FAM227A: variants seen among roughly 807,000 people sequenced by gnomAD.
FAM227A encodes protein FAM227A.
In FAM227A, 80 loss-of-function variants were observed where a neutral mutation model predicts 74.7. The observed-to-expected ratio is 1.07, with a 90% CI of 0.89 to 1.29. The LOEUF (loss-of-function observed/expected upper bound fraction) is 1.29, where lower values mean the gene tolerates loss of function less well. Ranked by LOEUF, FAM227A falls within the 50% of genes most tolerant of loss-of-function variation. FAM227A has a pLI of 0.00. For synonymous variants in FAM227A, 237 were observed against 241.8 expected, an observed-to-expected ratio of 0.98 and a Z score of 0.19; for missense variants, 654 against 683.4, an observed-to-expected ratio of 0.96 and a Z score of 0.48.
intron 14 of FAM227A, among the ~76,000 whole-genome samples, chr22:38,599,357 T>A (rs1227060193): frequency 6.6e-6 from 1 of 152,114 alleles, no homozygotes; most frequent in Non-Finnish European, 1.5e-5. Context: ...AAGGGAGGAA[T>A]GTGTCTGAGG....
At chr22:38,622,508 C>T (rs749460156) in intron 10 of FAM227A, among the ~76,000 whole-genome samples, 4 of 152,152 alleles carry the variant, frequency 2.6e-5, no homozygotes, top group Non-Finnish European at 4.4e-5. Context: ...GGACAAGTTG[C>T]TTCTCTGAGC....
intron 15 of FAM227A, among the ~76,000 whole-genome samples, chr22:38,592,511 G>C (rs953157205): frequency 6.6e-6 from 1 of 152,186 alleles, no homozygotes. Context: ...GCAACTTCCA[G>C]AAGAAATGCA....
chr22:38,624,108 C>G (rs945218690), intron 9 of FAM227A, among the ~76,000 whole-genome samples: 2 of 152,134 alleles, frequency 1.3e-5, no homozygotes, highest in Admixed American at 1.3e-4. Flanking sequence ...TTTGGAGTGG[C>G]ACAGCCCTGG....
At position 38,599,800 on chromosome 22, in the gene FAM227A, A is replaced by C. The variant is rs1164011878; in HGVS notation, c.1343T>G (p.Val448Gly). 1.3e-6 allele frequency: 2 copies of C among 1,551,200 alleles called. No homozygotes were observed. The highest frequency in any genetic ancestry group is 1.7e-6 in the Non-Finnish European group (2 of 1,146,848). Residue 448 changes from valine to glycine, a missense_variant, in exon 14 of 17, where the codon GTG becomes GGG. Val to Gly is a moderately radical substitution (Grantham distance 109). Transcript: ENST00000535113. ...GGTCTTTTCCCTTCTGACTATCAACACATTCTTGCCGTGCTGCTGCAGACT... is the reference window on the plus strand; with the variant it reads ...GGTCTTTTCCCTTCTGACTATCAACCCATTCTTGCCGTGCTGCTGCAGACT... The part of the protein sequence containing the change: ...YASLQQHGKN[V>G]LIVRREKTTS...
chr22:38,646,094 T>C (rs1330937247), intron 2 of FAM227A, among the ~76,000 whole-genome samples: 1 of 151,928 alleles, frequency 6.6e-6, no homozygotes, highest in Non-Finnish European at 1.5e-5. Flanking sequence ...CCATATTTCT[T>C]TATCTTGTTT....
intron 3 of FAM227A, among the ~76,000 whole-genome samples, chr22:38,641,966 TGTGTGTGTGCGCAC>T (rs2092125268): frequency 6.9e-6 from 1 of 145,268 alleles, no homozygotes; most frequent in Non-Finnish European, 1.5e-5. Context: ...TGTGTGTGTG[TGTGTGTGTGCGCAC>T]GTGTGTGTGC....
chr22:38,652,728 T>A (rs1391961638), intron 1 of FAM227A, among the ~76,000 whole-genome samples: 1 of 150,138 alleles, frequency 6.7e-6, no homozygotes, highest in Non-Finnish European at 1.5e-5. Flanking sequence ...CTACTAAAAA[T>A]TAGCCTGGCG....
chr22:38,640,478 G>A (rs1322781142), intron 3 of FAM227A, among the ~76,000 whole-genome samples: 1 of 152,032 alleles, frequency 6.6e-6, no homozygotes, highest in Non-Finnish European at 1.5e-5. Context: ...CTTGATCTCT[G>A]ACTCTTCCCC....
At chr22:38,641,551 CA>C (rs34059145) in intron 3 of FAM227A, among the ~76,000 whole-genome samples, 61,708 of 108,828 alleles carry the variant, frequency 0.57, 15,353 homozygotes, top group African/African-American at 0.75. Context: ...AACTCCATCT[CA>C]AAAAAAAAAA....
chr22:38,591,584 T>G (rs1037399760), intron 15 of FAM227A, 44 bp from the exon 16 acceptor site: 2 of 1,378,800 alleles, frequency 1.5e-6, no homozygotes, highest in African/African-American at 2.9e-5. Context: ...GCTGGAGTGA[T>G]TAACATGTCC....
intron 14 of FAM227A, 70 bp from the exon 15 acceptor site, chr22:38,597,426 G>T: frequency 1.0e-5 from 15 of 1,450,860 alleles, no homozygotes; most frequent in Non-Finnish European, 1.3e-5. Flanking sequence ...AGTGGCATGA[G>T]CGCAGTGCAT....
At chr22:38,620,148 G>A in intron 11 of FAM227A, 64 bp downstream of exon 11, 1 of 1,151,064 alleles carries the variant, frequency 8.7e-7, no homozygotes, top group Non-Finnish European at 1.3e-6. Context: ...TGCTCCAGAA[G>A]AACCGAGGGT....
chr22:38,641,109 T>C (rs2092105188), intron 3 of FAM227A, among the ~76,000 whole-genome samples: 1 of 137,224 alleles, frequency 7.3e-6, no homozygotes, highest in Non-Finnish European at 1.6e-5. Flanking sequence ...ATGGATAAGA[T>C]TTGCACAGAA....
chr22:38,593,404 C>T (rs910689135), intron 15 of FAM227A, among the ~76,000 whole-genome samples: 7 of 152,158 alleles, frequency 4.6e-5, no homozygotes, highest in Admixed American at 3.9e-4. Context: ...ACTTGGGAGG[C>T]TGAGGCAGGA....
chr22:38,586,848 AT>A (rs896111387), intron 16 of FAM227A, among the ~76,000 whole-genome samples: 104 of 143,292 alleles, frequency 7.3e-4, no homozygotes, highest in Admixed American at 9.8e-4. Flanking sequence ...TGTTTTTTGT[AT>A]TTTTTTTTTT....
At chr22:38,634,120 G>C (rs950848769) in intron 6 of FAM227A, among the ~76,000 whole-genome samples, 2 of 151,138 alleles carry the variant, frequency 1.3e-5, no homozygotes, top group Non-Finnish European at 2.9e-5. Context: ...ACTCAGGGAG[G>C]CTGAGACAGG....
At chr22:38,646,253 T>C (rs991269166) in intron 2 of FAM227A, among the ~76,000 whole-genome samples, 1 of 46,342 alleles carries the variant, frequency 2.2e-5, no homozygotes, top group Non-Finnish European at 4.0e-5. Flanking sequence ...TATTTCTTTT[T>C]TTTTTTTTTT....
At chr22:38,620,726 G>A (rs568531894) in intron 10 of FAM227A, among the ~76,000 whole-genome samples, 20 of 150,866 alleles carry the variant, frequency 1.3e-4, no homozygotes, top group Admixed American at 1.2e-3. Flanking sequence ...GGAGAATAGT[G>A]TGATCCTGGG....
At chr22:38,633,754 G>C (rs1274035928) in intron 6 of FAM227A, among the ~76,000 whole-genome samples, 1 of 151,974 alleles carries the variant, frequency 6.6e-6, no homozygotes, top group Non-Finnish European at 1.5e-5. Flanking sequence ...ATTGGCCAGG[G>C]TGGTCTTGAT....
Sources: allele counts gnomAD v4.1 joint callset (sites outside exome capture counted in the v4.1 genomes callset), GRCh38; gene constraint gnomAD v4.1.1; transcripts MANE v1.5; gene names NCBI Gene and HGNC (gene_info 2026-07-23, HGNC 2026-07-21).